Variants in FBXO34 observed in about 807,000 individuals in gnomAD.
The protein encoded by FBXO34 is F-box only protein 34.
In FBXO34, 12 loss-of-function variants were observed where a neutral mutation model predicts 24.5. That is an observed-to-expected ratio of 0.49 (90% confidence interval 0.31 to 0.79). The LOEUF (loss-of-function observed/expected upper bound fraction) is 0.79. Ranked by LOEUF, FBXO34 falls within the 30% of genes least tolerant of loss-of-function variation. The pLI is 0.04. For synonymous variants in FBXO34, 320 were observed against 311.9 expected (o/e 1.03, Z -0.27); for missense variants, 823 against 857.7 (o/e 0.96, Z 0.51).
At chr14:55,437,541 A>G in the FBXO34 span, among the ~76,000 whole-genome samples, 1 of 152,254 alleles carries the variant, frequency 6.6e-6, no homozygotes, top group Non-Finnish European at 1.5e-5. Context: ...TTTAAAATGC[A>G]GAAAAAGCAT....
the FBXO34 span, chr14:55,397,295 G>T: frequency 8.2e-7 from 1 of 1,220,450 alleles, no homozygotes; most frequent in Non-Finnish European, 1.2e-6. Context: ...CCGTATATCT[G>T]CATACCACAG....
At position 55,353,310 on chromosome 14, in the gene FBXO34, T is replaced by A. The variant is rs1312051660; in HGVS notation, c.*784T>A. On this transcript the variant is annotated 3_prime_UTR_variant, in exon 2 of 2. Coordinates refer to ENST00000313833, the MANE Select transcript of FBXO34 (RefSeq NM_017943.4). ...TTTTAATTGTCTAGTCTTAAATTTG[T>A]ACATCTTGTATAAAATATGAATGTT... is the stretch of plus-strand genomic sequence containing the variant. The A allele has an allele frequency of 6.0e-6, 1 of 166,988 alleles. No individual in the cohort carries two copies. Among genetic ancestry groups the A allele is most frequent in the Non-Finnish European group, 1.5e-5 (1 of 68,098 alleles). The allele number at this position is 166,988 out of a possible 1,614,324, so 10.3% of individuals were successfully genotyped here.
At chr14:55,424,056 C>T in the FBXO34 span, 2 of 766,986 alleles carry the variant, frequency 2.6e-6, no homozygotes, top group African/African-American at 3.5e-5. Flanking sequence ...TTCTGTATAA[C>T]AAGAATTACT....
chr14:55,410,101 G>A, the FBXO34 span, among the ~76,000 whole-genome samples: 4 of 152,116 alleles, frequency 2.6e-5, no homozygotes, highest in Admixed American at 2.6e-4. Context: ...CTGAACCAAA[G>A]GAACAATGAG....
chr14:55,388,316 G>A, the FBXO34 span, among the ~76,000 whole-genome samples: 1 of 152,108 alleles, frequency 6.6e-6, no homozygotes, highest in Non-Finnish European at 1.5e-5. Context: ...GATTTCTGGG[G>A]GAAGATCCAT....
At chr14:55,388,080 T>C in the FBXO34 span, among the ~76,000 whole-genome samples, 1 of 151,950 alleles carries the variant, frequency 6.6e-6, no homozygotes, top group African/African-American at 2.4e-5. Context: ...AAGGTTGCAG[T>C]GAGCCGAGAT....
At chr14:55,289,331 G>T (rs1243559695) in intron 1 of FBXO34, among the ~76,000 whole-genome samples, 2 of 152,058 alleles carry the variant, frequency 1.3e-5, no homozygotes, top group Non-Finnish European at 2.9e-5. Context: ...AAAAAAGTTT[G>T]TATATTTTAG....
At chr14:55,406,552 A>T in the FBXO34 span, among the ~76,000 whole-genome samples, 1 of 152,252 alleles carries the variant, frequency 6.6e-6, no homozygotes, top group South Asian at 2.1e-4. Context: ...CCTTGAGAGC[A>T]GAGACCTGTC....
the FBXO34 span, among the ~76,000 whole-genome samples, chr14:55,425,716 T>C: frequency 6.6e-6 from 1 of 152,330 alleles, no homozygotes; most frequent in East Asian, 1.9e-4. Flanking sequence ...AAAATCTTCC[T>C]TGATCTCTAC....
At chr14:55,340,518 A>G (rs573525365) in intron 1 of FBXO34, among the ~76,000 whole-genome samples, 17 of 151,468 alleles carry the variant, frequency 1.1e-4, no homozygotes, top group Non-Finnish European at 1.8e-4. Flanking sequence ...AAGTGCTGGG[A>G]TTACACATGT....
At chr14:55,398,827 G>A in the FBXO34 span, among the ~76,000 whole-genome samples, 1 of 151,878 alleles carries the variant, frequency 6.6e-6, no homozygotes, top group African/African-American at 2.4e-5. Context: ...CCTAAGATGT[G>A]GCTTGCTGCT....
At position 55,286,959 on chromosome 14, in the gene FBXO34, A is replaced by G. The variant is rs556609117; in HGVS notation, c.-11+15422A>G. On this transcript the variant is annotated intron_variant, in intron 1 of 1. Coordinates refer to ENST00000313833, the MANE Select transcript of FBXO34 (RefSeq NM_017943.4). ...AGTCTCGCTTTTTCGCCCAGGCTGG[A>G]GTGCAGTGGCTTGATCTCAGCTCAC... Among the ~76,000 whole-genome samples, 17 of 136,112 alleles carry G rather than the reference A, an allele frequency of 1.2e-4. No homozygotes were observed. In the East Asian group the frequency reaches 3.2e-3, roughly 26 times the overall value. The allele number at this position is 136,112 out of a possible 152,430, so 89.3% of individuals were successfully genotyped here. A position where few individuals can be genotyped will look rare whatever the true frequency, so the allele number is the denominator to read the frequency against.
the FBXO34 span, among the ~76,000 whole-genome samples, chr14:55,380,877 T>TATATATATATATATA: frequency 2.3e-5 from 1 of 43,688 alleles, no homozygotes; most frequent in African/African-American, 1.9e-4. Context: ...ATATATATAT[T>TATATATATATATATA]TTTTTTTTTT....
chr14:55,294,562 T>C (rs1343793966), intron 1 of FBXO34, among the ~76,000 whole-genome samples: 1 of 152,200 alleles, frequency 6.6e-6, no homozygotes, highest in African/African-American at 2.4e-5. Flanking sequence ...ACATTTGCTA[T>C]ATGTGTGAAG....
downstream of FBXO34, chr14:55,353,755 C>T (rs1273403411): frequency 6.2e-6 from 1 of 160,358 alleles, no homozygotes; most frequent in African/African-American, 2.4e-5. Context: ...GCCATCTTCA[C>T]TTAACATTGA....
chr14:55,384,663 A>G, the FBXO34 span, among the ~76,000 whole-genome samples: 1 of 152,252 alleles, frequency 6.6e-6, no homozygotes, highest in African/African-American at 2.4e-5. Context: ...TAGGAAGCCA[A>G]CTCTGGCAAC....
intron 1 of FBXO34, among the ~76,000 whole-genome samples, chr14:55,305,723 A>G (rs1428733613): frequency 6.6e-6 from 1 of 151,974 alleles, no homozygotes; most frequent in Non-Finnish European, 1.5e-5. Flanking sequence ...GGTGAGGGGG[A>G]AAGTCAGCAA....
chr14:55,362,431 G>A (rs762691355), downstream of FBXO34, among the ~76,000 whole-genome samples: 1 of 152,154 alleles, frequency 6.6e-6, no homozygotes, highest in Non-Finnish European at 1.5e-5. Context: ...CTGGAAAAAT[G>A]GCGCTGATGA....
At chr14:55,372,333 C>T (rs1884838240), downstream of FBXO34, among the ~76,000 whole-genome samples, 1 of 152,174 alleles carries the variant, frequency 6.6e-6, no homozygotes, top group African/African-American at 2.4e-5. Context: ...TGCCTCTCTC[C>T]TCCTGGCACG....
Sources: allele counts gnomAD v4.1 joint callset (sites outside exome capture counted in the v4.1 genomes callset), GRCh38; gene constraint gnomAD v4.1.1; transcripts MANE v1.5; gene names NCBI Gene and HGNC (gene_info 2026-07-23, HGNC 2026-07-21).